The following ARHGAP18 variants were observed in gnomAD, a reference collection of about 807,000 sequenced individuals.
ARHGAP18 encodes the protein Rho GTPase activating protein 18, also known as rho GTPase-activating protein 18.
In ARHGAP18, 67 loss-of-function variants were observed where a neutral mutation model predicts 86.2. The ratio of observed to expected loss-of-function variants is 0.78; its 90% confidence interval spans 0.64 to 0.95. ARHGAP18 has a LOEUF of 0.95. Among genes scored for constraint, ARHGAP18 ranks in the 40% least tolerant of loss-of-function variants. The pLI, the probability that ARHGAP18 is intolerant of heterozygous loss-of-function variation, is 0.00. For synonymous variants in ARHGAP18, 283 were observed against 280.4 expected (o/e 1.01, Z -0.09); for missense variants, 691 against 780.4 (o/e 0.89, Z 1.37).
intron 1 of ARHGAP18, 79 bp downstream of exon 1, chr6:129,709,945 C>T: frequency 2.5e-6 from 3 of 1,186,746 alleles, no homozygotes; most frequent in South Asian, 2.6e-5. Flanking sequence ...TTCCCTTCTC[C>T]CCACGCCAAC....
intron 13 of ARHGAP18, among the ~76,000 whole-genome samples, chr6:129,580,909 C>T (rs1346735375): frequency 3.9e-5 from 6 of 152,086 alleles, no homozygotes; most frequent in Non-Finnish European, 7.4e-5. Context: ...CCATTCTCTT[C>T]TGTCAGTTGT....
At chr6:129,623,330 C>T (rs1337124029) in intron 5 of ARHGAP18, among the ~76,000 whole-genome samples, 1 of 152,086 alleles carries the variant, frequency 6.6e-6, no homozygotes, top group Non-Finnish European at 1.5e-5. Context: ...GTGTCTACCT[C>T]CTAGAGGTCA....
chr6:129,671,582 T>G (rs981400891), intron 1 of ARHGAP18, among the ~76,000 whole-genome samples: 1 of 151,972 alleles, frequency 6.6e-6, no homozygotes, highest in African/African-American at 2.4e-5. Context: ...GAGCCTATAG[T>G]TCTATTAATA....
At chr6:129,620,804 T>C (rs2114473235) in intron 5 of ARHGAP18, among the ~76,000 whole-genome samples, 1 of 152,344 alleles carries the variant, frequency 6.6e-6, no homozygotes, top group African/African-American at 2.4e-5. Context: ...GGGTATCCAA[T>C]ATCCTTCCAA....
At chr6:129,610,073 A>G (rs576815515) in intron 8 of ARHGAP18, among the ~76,000 whole-genome samples, 22 of 152,082 alleles carry the variant, frequency 1.4e-4, no homozygotes, top group Non-Finnish European at 2.5e-4. Context: ...CTTTTCTCCT[A>G]TTTTCTCTTG....
chr6:129,698,820 G>A (rs1774665326), intron 1 of ARHGAP18, among the ~76,000 whole-genome samples: 1 of 151,640 alleles, frequency 6.6e-6, no homozygotes, highest in African/African-American at 2.4e-5. Flanking sequence ...AGCCTCCCGA[G>A]TAGCTGGGAT....
intron 1 of ARHGAP18, among the ~76,000 whole-genome samples, chr6:129,692,755 C>T (rs906148949): frequency 6.6e-6 from 1 of 152,186 alleles, no homozygotes; most frequent in Non-Finnish European, 1.5e-5. Flanking sequence ...ATAAGGCAAT[C>T]CCCGTACCTT....
chr6:129,676,263 AGT>A (rs372455902), intron 1 of ARHGAP18, among the ~76,000 whole-genome samples: 102 of 152,338 alleles, frequency 6.7e-4, no homozygotes, highest in African/African-American at 2.3e-3. Flanking sequence ...AACGAGGGAA[AGT>A]GGTAAGGACT....
rs769283721 is a variant in ARHGAP18 at position 129,600,741 on chromosome 6, T to C, written c.1473A>G (p.Ala491=). 6.2e-7 allele frequency: 1 copy of C among 1,613,766 alleles called. No individual in the cohort carries two copies. The highest frequency in any genetic ancestry group is 1.1e-5 in the South Asian group (1 of 91,076). The change falls in exon 11 of 15, where the codon GCA becomes GCG. Residue 491 remains alanine, a synonymous_variant. Transcript: ENST00000368149. ...VMAPNLFMCH[A]LGLKSSEQRE... ...GCTGTTCACTGGACTTCAATCCCAA[T>C]GCATGACACATAAAGAGATTCGGGG...
intron 1 of ARHGAP18, among the ~76,000 whole-genome samples, chr6:129,706,151 C>T (rs1476101906): frequency 6.6e-6 from 1 of 152,184 alleles, no homozygotes; most frequent in Non-Finnish European, 1.5e-5. Flanking sequence ...GCAAAGCAAA[C>T]AACCATTTCT....
chr6:129,677,093 T>G (rs940589431), intron 1 of ARHGAP18, among the ~76,000 whole-genome samples: 1 of 151,998 alleles, frequency 6.6e-6, no homozygotes, highest in African/African-American at 2.4e-5. Context: ...CAAGTTTAAA[T>G]AAAAAGTTGC....
At chr6:129,624,344 C>T (rs1043235262) in intron 5 of ARHGAP18, among the ~76,000 whole-genome samples, 5 of 151,156 alleles carry the variant, frequency 3.3e-5, no homozygotes, top group East Asian at 2.0e-4. Flanking sequence ...GCCTGGCCAA[C>T]GTGGTGAAGC....
chr6:129,603,015 G>C, intron 10 of ARHGAP18, among the ~76,000 whole-genome samples: 1 of 140,574 alleles, frequency 7.1e-6, no homozygotes. Context: ...AATTTCAATA[G>C]TTTTTGGGAT....
chr6:129,584,423 T>A (rs1788351379), intron 12 of ARHGAP18, among the ~76,000 whole-genome samples: 1 of 152,214 alleles, frequency 6.6e-6, no homozygotes, highest in African/African-American at 2.4e-5. Context: ...GGGTGCTTCT[T>A]CATGTAGCAA....
intron 7 of ARHGAP18, among the ~76,000 whole-genome samples, chr6:129,614,297 G>A (rs1209800520): frequency 2.6e-5 from 4 of 152,100 alleles, no homozygotes; most frequent in Non-Finnish European, 1.5e-5. Flanking sequence ...TAATTGAGTT[G>A]TCAGCTGATA....
intron 8 of ARHGAP18, among the ~76,000 whole-genome samples, chr6:129,609,217 T>A (rs907818553): frequency 2.0e-5 from 3 of 151,742 alleles, no homozygotes; most frequent in Non-Finnish European, 4.4e-5. Context: ...CAGAGAAATT[T>A]GGTGGGGCCA....
intron 1 of ARHGAP18, among the ~76,000 whole-genome samples, chr6:129,668,366 A>T (rs1051696074): frequency 7.0e-6 from 1 of 143,512 alleles, no homozygotes; most frequent in African/African-American, 2.6e-5. Context: ...AAATAATCAC[A>T]CACACACACA....
intron 1 of ARHGAP18, among the ~76,000 whole-genome samples, chr6:129,655,728 A>G (rs552281821): frequency 6.6e-6 from 1 of 152,202 alleles, no homozygotes; most frequent in Non-Finnish European, 1.5e-5. Flanking sequence ...ATATTGTTAA[A>G]CTCTAAACAA....
At chr6:129,660,068 A>C (rs530361102) in intron 1 of ARHGAP18, among the ~76,000 whole-genome samples, 1 of 152,304 alleles carries the variant, frequency 6.6e-6, no homozygotes, top group South Asian at 2.1e-4. Flanking sequence ...GGGAGGGAGA[A>C]GGCACCAGAT....
Sources: allele counts gnomAD v4.1 joint callset (sites outside exome capture counted in the v4.1 genomes callset), GRCh38; gene constraint gnomAD v4.1.1; transcripts MANE v1.5; gene names NCBI Gene and HGNC (gene_info 2026-07-23, HGNC 2026-07-21).